HSD17B4: variants seen among roughly 807,000 people sequenced by gnomAD.
HSD17B4 encodes the protein hydroxysteroid 17-beta dehydrogenase 4, also known as peroxisomal multifunctional enzyme type 2.
A neutral mutation model predicts 101.0 loss-of-function variants in HSD17B4; 70 were observed. The observed-to-expected ratio is 0.69, with a 90% confidence interval of 0.57 to 0.85. The LOEUF (loss-of-function observed/expected upper bound fraction) is 0.85. Among genes scored for constraint, HSD17B4 ranks in the 40% least tolerant of loss-of-function variants. The pLI, the probability that HSD17B4 is intolerant of heterozygous loss-of-function variation, is 0.00. For missense variants in HSD17B4, 984 were observed against 892.4 expected, an observed-to-expected ratio of 1.10 and a Z score of -1.31; for synonymous variants, 347 against 297.1, an observed-to-expected ratio of 1.17 and a Z score of -1.73.
intron 12 of HSD17B4, among the ~76,000 whole-genome samples, chr5:119,497,338 C>T (rs1203684406): frequency 2.0e-5 from 3 of 152,144 alleles, no homozygotes; most frequent in South Asian, 4.1e-4. Flanking sequence ...GGGAGTAGTA[C>T]CTCAACTGTT....
intron 1 of HSD17B4, among the ~76,000 whole-genome samples, chr5:119,455,403 G>T (rs1754514733): frequency 6.6e-6 from 1 of 152,086 alleles, no homozygotes; most frequent in South Asian, 2.1e-4. Context: ...TGTAGTCCCA[G>T]CTACTCGCGA....
rs1381061831 is a variant in HSD17B4 at position 119,509,178 on chromosome 5, T to C, written c.1371T>C (p.Asn457=). 2.5e-6 allele frequency: 4 copies of C among 1,606,242 alleles called. No individual in the cohort carries two copies. The African/African-American group carries it at 4.0e-5, about 16-fold the overall frequency. ...CTGAGAAGGAACTTATATGCCACAA[T>C]CAGTTCTCTCTCTTTCTTGTTGGCT... is the stretch of plus-strand genomic sequence containing the variant. ...SYSEKELICH[N]QFSLFLVGSG... Residue 457 remains asparagine (N), a synonymous_variant, in exon 16 of 24, where the codon AAT becomes AAC. Transcript: ENST00000510025.
intron 8 of HSD17B4, among the ~76,000 whole-genome samples, chr5:119,481,863 A>G (rs555103063): frequency 1.3e-5 from 2 of 152,190 alleles, no homozygotes; most frequent in Non-Finnish European, 2.9e-5. Context: ...TGGTTTCAGA[A>G]AGGAAGTGTG....
chr5:119,527,868 C>A (rs1313294504), intron 20 of HSD17B4, among the ~76,000 whole-genome samples: 1 of 152,050 alleles, frequency 6.6e-6, no homozygotes, highest in Non-Finnish European at 1.5e-5. Context: ...CTGGGCCTAA[C>A]AAATAGTAAA....
At position 119,509,172 on chromosome 5, in the gene HSD17B4, C is replaced by T; in HGVS notation, c.1365C>T (p.Cys455=). 6.2e-7 allele frequency: 1 copy of T among 1,600,338 alleles called. No homozygotes were observed. The highest frequency in any genetic ancestry group is 8.6e-7 in the Non-Finnish European group (1 of 1,167,542). The change falls in exon 16 of 24, where the codon TGC becomes TGT. Residue 455 remains cysteine (C), a synonymous_variant. Transcript: ENST00000510025. ...CTTATTCTGAGAAGGAACTTATATG[C>T]CACAATCAGTTCTCTCTCTTTCTTG... ...VYSYSEKELI[C]HNQFSLFLVG...
chr5:119,494,021 G>T, intron 11 of HSD17B4, 75 bp downstream of exon 11: 1 of 1,459,336 alleles, frequency 6.9e-7, no homozygotes, highest in Non-Finnish European at 9.6e-7. Flanking sequence ...TTATGTAGTT[G>T]TCTTCTATGT....
chr5:119,491,504 G>GA (rs996081733), intron 9 of HSD17B4, among the ~76,000 whole-genome samples: 2 of 112,956 alleles, frequency 1.8e-5, no homozygotes, highest in Non-Finnish European at 3.6e-5. Context: ...ATGACCTCTA[G>GA]AAAAAATTAT....
chr5:119,491,298 A>G (rs957055378), intron 9 of HSD17B4, among the ~76,000 whole-genome samples: 1 of 152,164 alleles, frequency 6.6e-6, no homozygotes, highest in Non-Finnish European at 1.5e-5. Flanking sequence ...TATAGAGGCA[A>G]AGGATGATGA....
intron 10 of HSD17B4, 94 bp downstream of exon 10, chr5:119,492,218 C>T (rs1750174662): frequency 2.2e-6 from 2 of 895,088 alleles, no homozygotes; most frequent in East Asian, 4.8e-5. Flanking sequence ...TGTCAAATGC[C>T]TAACCATTGG....
intron 12 of HSD17B4, among the ~76,000 whole-genome samples, chr5:119,498,030 T>C (rs73249960): frequency 0.029 from 4,401 of 152,290 alleles, 193 homozygotes; most frequent in African/African-American, 0.096. Flanking sequence ...ATGCTTCCCA[T>C]TGAGTCAGAA....
At chr5:119,501,988 G>T in intron 13 of HSD17B4, 53 bp from the exon 14 acceptor site, 1 of 1,088,150 alleles carries the variant, frequency 9.2e-7, no homozygotes, top group South Asian at 1.3e-5. Context: ...TCCATAGGCA[G>T]AACCTGTGGA....
chr5:119,476,707 T>G (rs1011177278), intron 6 of HSD17B4: 2 of 985,374 alleles, frequency 2.0e-6, no homozygotes, highest in African/African-American at 3.5e-5. Flanking sequence ...CTTTTCTTGG[T>G]GCTGCAACGG....
Position 119,499,335 on chromosome 5 carries a change from A to C in HSD17B4, c.991A>C (p.Lys331Gln). The change falls in exon 13 of 24, where the codon AAA (lysine) becomes CAA (glutamine). Residue 331 changes from lysine (K) to glutamine (Q), a missense_variant. Coordinates refer to ENST00000510025, the MANE Select transcript of HSD17B4 (RefSeq NM_000414.4). ...TSGFAGAIGQKLPPFSYAYTE... is the reference protein window; with the variant it reads ...TSGFAGAIGQQLPPFSYAYTE... ...TTCTTAGGCTGGAGCTATTGGCCAG[A>C]AACTCCCTCCATTTTCTTATGCTTA... 1 of 1,612,962 alleles carries C rather than the reference A, an allele frequency of 6.2e-7. No homozygotes were observed. Among genetic ancestry groups the C allele is most frequent in the Non-Finnish European group, 8.5e-7 (1 of 1,178,952 alleles).
intron 2 of HSD17B4, chr5:119,472,329 A>T (rs1396587994): frequency 6.6e-6 from 1 of 152,270 alleles, no homozygotes; most frequent in African/African-American, 2.4e-5. Context: ...TGGTAAGAAT[A>T]CTTATGACAT....
At chr5:119,500,060 A>G (rs542175457) in intron 13 of HSD17B4, among the ~76,000 whole-genome samples, 1 of 152,290 alleles carries the variant, frequency 6.6e-6, no homozygotes, top group South Asian at 2.1e-4. Context: ...TTCAGCATAT[A>G]CTTTGATGAA....
intron 2 of HSD17B4, among the ~76,000 whole-genome samples, chr5:119,457,411 C>T (rs1754782587): frequency 6.6e-6 from 1 of 152,228 alleles, no homozygotes; most frequent in Non-Finnish European, 1.5e-5. Flanking sequence ...CTAAGCAGAG[C>T]ACTTGATACA....
At chr5:119,491,962 C>G (rs1750147965) in intron 9 of HSD17B4, 138 bp from the exon 10 acceptor site, 3 of 769,222 alleles carry the variant, frequency 3.9e-6, no homozygotes, top group South Asian at 1.4e-5. Context: ...TGGACTCTTA[C>G]AGAGCTGTAT....
chr5:119,465,644 A>G (rs1755733610), intron 2 of HSD17B4, among the ~76,000 whole-genome samples: 1 of 152,214 alleles, frequency 6.6e-6, no homozygotes, highest in Non-Finnish European at 1.5e-5. Context: ...TGGTGTATAG[A>G]AATGCTACTG....
chr5:119,524,359 G>A (rs935106197), intron 17 of HSD17B4, among the ~76,000 whole-genome samples: 2 of 152,084 alleles, frequency 1.3e-5, no homozygotes, highest in African/African-American at 4.8e-5. Context: ...TAAAAGATCA[G>A]TAATTTTAAA....
Sources: allele counts gnomAD v4.1 joint callset (sites outside exome capture counted in the v4.1 genomes callset), GRCh38; gene constraint gnomAD v4.1.1; transcripts MANE v1.5; gene names NCBI Gene and HGNC (gene_info 2026-07-23, HGNC 2026-07-21).